NRCAM: variants seen among roughly 807,000 people sequenced by gnomAD.
The protein encoded by NRCAM is neuronal cell adhesion molecule.
NRCAM carries 83 observed loss-of-function variants against 156.5 expected under a neutral mutation model. That is an observed-to-expected ratio of 0.53 (90% confidence interval 0.44 to 0.64). The LOEUF (loss-of-function observed/expected upper bound fraction) is 0.64. Among genes scored for constraint, NRCAM ranks in the 30% least tolerant of loss-of-function variants. The pLI, the probability that NRCAM is intolerant of heterozygous loss-of-function variation, is 0.00. For missense variants in NRCAM, 1,417 were observed against 1,597.3 expected (o/e 0.89, Z 1.92); for synonymous variants, 538 against 563.9 (o/e 0.95, Z 0.65).
At chr7:108,224,373 T>C (rs997733504) in intron 10 of NRCAM, among the ~76,000 whole-genome samples, 8 of 152,046 alleles carry the variant, frequency 5.3e-5, no homozygotes, top group African/African-American at 1.9e-4. Flanking sequence ...AAAACAAAAG[T>C]AGAGAGTTAC....
At chr7:108,315,031 C>T (rs971938705) in intron 2 of NRCAM, among the ~76,000 whole-genome samples, 9 of 151,470 alleles carry the variant, frequency 5.9e-5, no homozygotes, top group African/African-American at 2.2e-4. Context: ...CCAGTCAATT[C>T]TGTCTACACT....
At position 108,298,833 on chromosome 7, in the gene NRCAM, C is replaced by A. The variant is rs116991127; in HGVS notation, c.-107+13832G>T. 7.0e-3 allele frequency among the ~76,000 whole-genome samples: 1,064 copies of A among 151,174 alleles called. 6 individuals carry two copies. Among genetic ancestry groups the A allele is most frequent in the Non-Finnish European group, 0.012 (782 of 67,864 alleles). Reference sequence around the variant, plus strand: ...ATTAAAACACAAATACGGGGCCAGGCGCAGTGGCTCATGCCTAATCCCAGC... The same window carrying A: ...ATTAAAACACAAATACGGGGCCAGGAGCAGTGGCTCATGCCTAATCCCAGC... On this transcript the variant is annotated intron_variant, in intron 3 of 32. Transcript: ENST00000379028.
chr7:108,238,305 A>T (rs1263934474), intron 4 of NRCAM, among the ~76,000 whole-genome samples: 1 of 152,202 alleles, frequency 6.6e-6, no homozygotes, highest in Non-Finnish European at 1.5e-5. Context: ...CATTAATTGA[A>T]CTTTTTAGAC....
At chr7:108,179,614 C>T (rs2062422404) in intron 25 of NRCAM, among the ~76,000 whole-genome samples, 2 of 152,158 alleles carry the variant, frequency 1.3e-5, no homozygotes, top group African/African-American at 4.8e-5. Context: ...ATTCCTTCTC[C>T]CCTGACTCCT....
chr7:108,254,291 T>C (rs369140951), intron 3 of NRCAM, among the ~76,000 whole-genome samples: 3 of 152,302 alleles, frequency 2.0e-5, no homozygotes, highest in Non-Finnish European at 2.9e-5. Flanking sequence ...AATAAAAAGA[T>C]GGACAAAAAT....
chr7:108,322,757 T>A (rs1161783618), intron 2 of NRCAM, among the ~76,000 whole-genome samples: 2 of 152,172 alleles, frequency 1.3e-5, no homozygotes, highest in Non-Finnish European at 2.9e-5. Flanking sequence ...GAAACACTGA[T>A]CTTAAAAGAA....
chr7:108,438,341 G>A (rs181710889), intron 1 of NRCAM, among the ~76,000 whole-genome samples: 8 of 152,234 alleles, frequency 5.3e-5, no homozygotes, highest in African/African-American at 1.9e-4. Context: ...CAAGTGGGAT[G>A]TATTGCAGAA....
At chr7:108,152,860 G>A (rs1011251067) in intron 32 of NRCAM, among the ~76,000 whole-genome samples, 32 of 152,152 alleles carry the variant, frequency 2.1e-4, no homozygotes, top group Non-Finnish European at 3.4e-4. Context: ...ACTGGAGGTG[G>A]TATAAAATGC....
At chr7:108,387,832 G>C (rs1466987463) in intron 2 of NRCAM, among the ~76,000 whole-genome samples, 1 of 151,370 alleles carries the variant, frequency 6.6e-6, no homozygotes, top group Non-Finnish European at 1.5e-5. Context: ...CCTTGTGATA[G>C]TTTGCTGAGA....
chr7:108,174,050 A>G (rs537273574), intron 28 of NRCAM, among the ~76,000 whole-genome samples: 1 of 152,188 alleles, frequency 6.6e-6, no homozygotes, highest in Non-Finnish European at 1.5e-5. Context: ...AAATGCTCCA[A>G]TTGAAGTTAT....
intron 3 of NRCAM, among the ~76,000 whole-genome samples, chr7:108,295,085 T>C (rs1450385722): frequency 6.6e-6 from 1 of 152,226 alleles, no homozygotes; most frequent in Non-Finnish European, 1.5e-5. Context: ...GAAGAGATTG[T>C]CAAGTATTTT....
At chr7:108,285,044 ACG>A in intron 3 of NRCAM, among the ~76,000 whole-genome samples, 1 of 152,348 alleles carries the variant, frequency 6.6e-6, no homozygotes, top group East Asian at 1.9e-4. Context: ...AGATGCTATT[ACG>A]AAAAGTCAGG....
At chr7:108,319,846 A>C (rs1379363936) in intron 2 of NRCAM, among the ~76,000 whole-genome samples, 1 of 152,260 alleles carries the variant, frequency 6.6e-6, no homozygotes, top group Non-Finnish European at 1.5e-5. Context: ...AGGCTGACAA[A>C]GCAGACAGAG....
chr7:108,406,626 T>C (rs1343879295), intron 1 of NRCAM, among the ~76,000 whole-genome samples: 1 of 152,234 alleles, frequency 6.6e-6, no homozygotes, highest in Non-Finnish European at 1.5e-5. Context: ...TGCCCAGTCT[T>C]CTTACTGGAA....
At chr7:108,347,594 C>T (rs780885026) in intron 2 of NRCAM, among the ~76,000 whole-genome samples, 1 of 152,144 alleles carries the variant, frequency 6.6e-6, no homozygotes. Context: ...CCAAAAAAAT[C>T]CTTCTAAGGA....
At chr7:108,270,349 C>G (rs1044893173) in intron 3 of NRCAM, among the ~76,000 whole-genome samples, 2 of 152,184 alleles carry the variant, frequency 1.3e-5, no homozygotes, top group Admixed American at 6.5e-5. Flanking sequence ...AAGCACCCCC[C>G]TTCAAGGTTC....
At chr7:108,317,494 T>C (rs2098941577) in intron 2 of NRCAM, among the ~76,000 whole-genome samples, 1 of 152,290 alleles carries the variant, frequency 6.6e-6, no homozygotes, top group East Asian at 1.9e-4. Context: ...AATGAATATA[T>C]GAAGGTTCCA....
At chr7:108,420,448 T>TAAATA (rs1807970189) in intron 1 of NRCAM, among the ~76,000 whole-genome samples, 1 of 152,170 alleles carries the variant, frequency 6.6e-6, no homozygotes, top group Non-Finnish European at 1.5e-5. Flanking sequence ...TTAAAGTAAA[T>TAAATA]AAATAGGCGA....
intron 2 of NRCAM, among the ~76,000 whole-genome samples, chr7:108,328,003 A>G (rs1320209344): frequency 6.6e-6 from 1 of 152,226 alleles, no homozygotes; most frequent in Non-Finnish European, 1.5e-5. Context: ...AAAAACAAAT[A>G]TCCACAGAAA....
Sources: gnomAD v4.1 joint callset for allele counts (sites outside exome capture counted in the v4.1 genomes callset) on GRCh38, gnomAD v4.1.1 for gene constraint, MANE v1.5 for transcripts, NCBI Gene and HGNC (gene_info 2026-07-23, HGNC 2026-07-21) for gene names.